SNHG17: variants seen among roughly 807,000 people sequenced by gnomAD.
SNHG17 encodes the protein small nucleolar RNA host gene 17 (non-protein coding).
intron 2 of SNHG17, among the ~76,000 whole-genome samples, chr20:38,432,792 T>A (rs1441504223): frequency 1.3e-5 from 2 of 152,208 alleles, no homozygotes; most frequent in Non-Finnish European, 2.9e-5. Flanking sequence ...AACCTCCACC[T>A]CCTGGCGCAT....
At chr20:38,429,806 A>C (rs2084313531) in intron 3 of SNHG17, 1 of 517,728 alleles carries the variant, frequency 1.9e-6, no homozygotes, top group Non-Finnish European at 3.9e-6. Flanking sequence ...ATGCAGGGGC[A>C]GAAAGGGCAG....
At chr20:38,432,130 G>C in intron 2 of SNHG17, 1 of 985,392 alleles carries the variant, frequency 1.0e-6, no homozygotes, top group Non-Finnish European at 1.2e-6. Flanking sequence ...GGTCAAACCC[G>C]TTCTGGAAAG....
At chr20:38,430,372 G>GT (rs2084322171) in intron 3 of SNHG17, among the ~76,000 whole-genome samples, 1 of 152,078 alleles carries the variant, frequency 6.6e-6, no homozygotes, top group South Asian at 2.1e-4. Flanking sequence ...GCTCACACCT[G>GT]TAATCACAGC....
intron 3 of SNHG17, chr20:38,427,740 T>G: frequency 6.2e-6 from 1 of 161,354 alleles, no homozygotes; most frequent in Non-Finnish European, 1.4e-5. Flanking sequence ...TTGGCTGGCA[T>G]CTGGGAACTT....
intron 2 of SNHG17, chr20:38,431,952 A>T: frequency 1.0e-6 from 1 of 972,690 alleles, no homozygotes. Context: ...GCATGCACCC[A>T]CCCTTGTGGG....
intron 2 of SNHG17, chr20:38,432,205 T>G: frequency 1.0e-6 from 1 of 981,078 alleles, no homozygotes. Flanking sequence ...TGGCTAGTGT[T>G]AACAGTGGTC....
exon 1 of SNHG17, chr20:38,435,267 T>A: frequency 2.4e-6 from 3 of 1,231,758 alleles, no homozygotes; most frequent in Non-Finnish European, 3.0e-6. Flanking sequence ...TGTCTGCAGA[T>A]TTCGAGAGAT....
exon 8 of SNHG17, chr20:38,420,741 TG>T (rs2084145177): frequency 6.6e-6 from 1 of 152,196 alleles, no homozygotes; most frequent in Admixed American, 6.5e-5. Flanking sequence ...CTGAGGCAGC[TG>T]AAGTCTCCCA....
chr20:38,424,635 G>C (rs1318232029), intron 5 of SNHG17, among the ~76,000 whole-genome samples: 1 of 152,244 alleles, frequency 6.6e-6, no homozygotes, highest in African/African-American at 2.4e-5. Context: ...CCCTGAGGAA[G>C]CTCACAGCAC....
chr20:38,423,997 C>A (rs139033033), intron 5 of SNHG17, among the ~76,000 whole-genome samples: 3 of 151,958 alleles, frequency 2.0e-5, no homozygotes, highest in African/African-American at 7.3e-5. Context: ...CATGGTGAAA[C>A]CCCATCTCTA....
chr20:38,428,053 A>G (rs1284043927), intron 3 of SNHG17: 1 of 152,250 alleles, frequency 6.6e-6, no homozygotes, highest in Non-Finnish European at 1.5e-5. Context: ...TGGCACAGGG[A>G]TTCCTCCAGA....
chr20:38,429,996 A>G (rs1392197452), intron 3 of SNHG17, among the ~76,000 whole-genome samples: 1 of 152,214 alleles, frequency 6.6e-6, no homozygotes, highest in Non-Finnish European at 1.5e-5. Context: ...CATGGGCAGA[A>G]ATATTGAGAA....
At chr20:38,435,121 T>C (rs533582365) in intron 1 of SNHG17, 2 of 1,232,186 alleles carry the variant, frequency 1.6e-6, no homozygotes, top group Non-Finnish European at 2.0e-6. Flanking sequence ...CTGACCTCTC[T>C]GGCCGCCTTC....
chr20:38,425,578 T>A (rs2084232862), intron 5 of SNHG17, among the ~76,000 whole-genome samples: 1 of 152,118 alleles, frequency 6.6e-6, no homozygotes, highest in African/African-American at 2.4e-5. Flanking sequence ...ATGTAGTAGG[T>A]TGGGACAGGG....
intron 5 of SNHG17, among the ~76,000 whole-genome samples, chr20:38,423,615 GAGCT>G (rs1423595943): frequency 6.6e-6 from 1 of 151,126 alleles, no homozygotes; most frequent in Non-Finnish European, 1.5e-5. Context: ...CCATGGGCAG[GAGCT>G]GAAGGAAATA....
chr20:38,431,651 T>C (rs2084344103), intron 2 of SNHG17, among the ~76,000 whole-genome samples: 1 of 152,132 alleles, frequency 6.6e-6, no homozygotes, highest in Non-Finnish European at 1.5e-5. Context: ...CGTACTCCTG[T>C]TTTCCAGACG....
Position 38,435,011 on chromosome 20 carries a change from C to G in SNHG17, n.185+186G>C, listed in dbSNP as rs1600773683. 4.9e-6 allele frequency: 6 copies of G among 1,230,426 alleles called. No individual in the cohort carries two copies. In the East Asian group the frequency reaches 1.6e-4, roughly 32 times the overall value. The allele number at this position is 1,230,426 out of a possible 1,614,324, so 76.2% of individuals were successfully genotyped here. On this transcript the variant is annotated intron_variant and non_coding_transcript_variant, in intron 1 of 8. Transcript: ENST00000654008. ...GTGGCCCGCTCAGCACTGCCGCGGC[C>G]AAGGGCGCGACTCACCTGCCAGTGT...
Position 38,432,219 on chromosome 20 carries a change from G to T in SNHG17, n.309-1107C>A, listed in dbSNP as rs6015015. The T allele has an allele frequency of 4.2e-6, 4 of 954,268 alleles. No individual in the cohort carries two copies. In the African/African-American group the frequency reaches 7.1e-5, roughly 17 times the overall value. 59.1% of individuals were successfully genotyped at this position (954,268 alleles called of 1,614,324 possible). A position where few individuals can be genotyped will look rare whatever the true frequency, so the allele number is the denominator to read the frequency against. ...TTGGCTAGTGTTAACAGTGGTCTACGGTCTCAGCAACACGAAGAGTTCATC... is the reference window on the plus strand; with the variant it reads ...TTGGCTAGTGTTAACAGTGGTCTACTGTCTCAGCAACACGAAGAGTTCATC... On this transcript the variant is annotated intron_variant and non_coding_transcript_variant, in intron 2 of 8. Transcript: ENST00000654008.
At chr20:38,425,170 G>A (rs1268374855) in intron 5 of SNHG17, 1 of 512,960 alleles carries the variant, frequency 1.9e-6, no homozygotes, top group Admixed American at 1.9e-5. Flanking sequence ...GGTACCAGGA[G>A]GTAACATCAC....
Sources: gnomAD v4.1 joint callset for allele counts (sites outside exome capture counted in the v4.1 genomes callset) on GRCh38, gnomAD v4.1.1 for gene constraint, MANE v1.5 for transcripts, NCBI Gene and HGNC (gene_info 2026-07-23, HGNC 2026-07-21) for gene names.